The following EMCN variants were observed in gnomAD, a reference collection of about 807,000 sequenced individuals.
EMCN encodes endomucin, also known as MUC-14.
Under a neutral mutation model 38.4 loss-of-function variants are expected in EMCN, and 37 were observed. That is an observed-to-expected ratio of 0.96 (90% CI 0.74 to 1.27). EMCN has a LOEUF of 1.27. EMCN is among the 50% of genes most tolerant of loss of function. The pLI is 0.00. For missense variants in EMCN, 318 were observed against 302.8 expected, an observed-to-expected ratio of 1.05 and a Z score of -0.37; for synonymous variants, 95 against 100.8, an observed-to-expected ratio of 0.94 and a Z score of 0.35.
At chr4:100,493,911 A>G (rs1729147356) in intron 1 of EMCN, among the ~76,000 whole-genome samples, 1 of 152,224 alleles carries the variant, frequency 6.6e-6, no homozygotes, top group Non-Finnish European at 1.5e-5. Flanking sequence ...ACTTTCTTCA[A>G]ACATTGATGA....
intron 1 of EMCN, 33 bp from the exon 2 acceptor site, chr4:100,480,072 A>G: frequency 6.3e-7 from 1 of 1,588,992 alleles, no homozygotes; most frequent in East Asian, 2.3e-5. Flanking sequence ...ATTAACATTT[A>G]CATATAGTTT....
At chr4:100,481,255 A>G (rs1728797944) in intron 1 of EMCN, among the ~76,000 whole-genome samples, 1 of 152,134 alleles carries the variant, frequency 6.6e-6, no homozygotes. Context: ...TTTAAATTAC[A>G]TTTGAAATGT....
At chr4:100,429,209 G>C (rs768020959) in intron 5 of EMCN, among the ~76,000 whole-genome samples, 2 of 152,052 alleles carry the variant, frequency 1.3e-5, no homozygotes, top group African/African-American at 2.4e-5. Flanking sequence ...GAGAACATGA[G>C]GTCTACTCTG....
chr4:100,424,000 C>CAA (rs1726974943), intron 5 of EMCN, among the ~76,000 whole-genome samples: 1 of 151,648 alleles, frequency 6.6e-6, no homozygotes. Flanking sequence ...CACTAGCATC[C>CAA]GTGCTCTTTT....
rs1728617733 is a variant in EMCN at position 100,475,658 on chromosome 4, C to CATTTTTTTTTTTTTTTTTT, written c.188-550_188-549insAAAAAAAAAAAAAAAAAAT. ...CTTGAGGGCAGTATCCAATTCTAGT[C>CATTTTTTTTTTTTTTTTTT]CTTTTTTTTTTTTTTTTTTTTTTTT... On this transcript the variant is annotated intron_variant, in intron 2 of 11. Coordinates refer to ENST00000296420, the MANE Select transcript of EMCN (RefSeq NM_016242.4). Among the ~76,000 whole-genome samples, 8 of 108,092 alleles carry CATTTTTTTTTTTTTTTTTT rather than the reference C, an allele frequency of 7.4e-5. 1 individual carries two copies. Among genetic ancestry groups the CATTTTTTTTTTTTTTTTTT allele is most frequent in the African/African-American group, 3.7e-5 (1 of 27,062 alleles). The allele number at this position is 108,092 out of a possible 152,430, so 70.9% of individuals were successfully genotyped here.
chr4:100,441,461 T>G (rs1306043037), intron 5 of EMCN, among the ~76,000 whole-genome samples: 2 of 152,208 alleles, frequency 1.3e-5, no homozygotes, highest in African/African-American at 2.4e-5. Flanking sequence ...CATTCAACCA[T>G]TCTATGTCTT....
intron 1 of EMCN, among the ~76,000 whole-genome samples, chr4:100,493,137 T>G (rs546338357): frequency 6.6e-6 from 1 of 152,328 alleles, no homozygotes; most frequent in African/African-American, 2.4e-5. Flanking sequence ...TACAGTCAGT[T>G]AACTAGTTAA....
chr4:100,408,509 A>G (rs1173527921), intron 11 of EMCN, among the ~76,000 whole-genome samples: 1 of 152,088 alleles, frequency 6.6e-6, no homozygotes, highest in Non-Finnish European at 1.5e-5. Flanking sequence ...TTTGGTGTTG[A>G]AGTTTGGTTT....
At chr4:100,473,470 C>A (rs1281862818) in intron 3 of EMCN, among the ~76,000 whole-genome samples, 8 of 134,336 alleles carry the variant, frequency 6.0e-5, no homozygotes, top group Non-Finnish European at 3.1e-5. Flanking sequence ...CAAATCCAAG[C>A]GATTTTCTTA....
chr4:100,429,904 A>G (rs1249314436), intron 5 of EMCN, among the ~76,000 whole-genome samples: 1 of 152,154 alleles, frequency 6.6e-6, no homozygotes, highest in East Asian at 1.9e-4. Flanking sequence ...CTAAACCATA[A>G]GCCAAATATG....
chr4:100,502,920 A>G (rs1312581943), intron 1 of EMCN, among the ~76,000 whole-genome samples: 1 of 152,146 alleles, frequency 6.6e-6, no homozygotes. Flanking sequence ...TGATAATATA[A>G]TCTCAATTTG....
rs185982537 is a variant in EMCN, at chr4:100,418,590, A to G, written c.665-1449T>C. Among the ~76,000 whole-genome samples, 503 of 152,188 alleles carry G rather than the reference A, an allele frequency of 3.3e-3. 12 individuals are homozygous for G. The highest frequency in any genetic ancestry group is 0.031 in the Admixed American group (479 of 15,234). On this transcript the variant is annotated intron_variant, in intron 8 of 11. Coordinates refer to ENST00000296420, the MANE Select transcript of EMCN (RefSeq NM_016242.4). ...AGCCATCCTTCTACTCTCTAGCTCC[A>G]TGAGTTCAATTGTTTTGATTTTTTA... is the stretch of plus-strand genomic sequence containing the variant.
At chr4:100,427,716 A>G (rs141111381) in intron 5 of EMCN, among the ~76,000 whole-genome samples, 1 of 152,176 alleles carries the variant, frequency 6.6e-6, no homozygotes, top group African/African-American at 2.4e-5. Context: ...AATGTCACTG[A>G]TTCCTCAACT....
At chr4:100,406,222 C>T (rs1726389383) in intron 11 of EMCN, among the ~76,000 whole-genome samples, 2 of 151,910 alleles carry the variant, frequency 1.3e-5, no homozygotes, top group Non-Finnish European at 2.9e-5. Flanking sequence ...TAGTTCTTAT[C>T]ATCTCCATGT....
rs369553032 is a variant in EMCN, at chr4:100,475,120, A to G, written c.188-11T>C. On this transcript the variant is annotated splice_polypyrimidine_tract_variant and intron_variant, in intron 2 of 11. Transcript: ENST00000296420. The stretch of plus-strand genomic sequence containing the variant: ...CATTGGTGATTGTTCCTAGTTTGAT[A>G]AAATAGATTAAATTATTATTAATCA... The G allele has an allele frequency of 8.2e-6, 11 of 1,335,322 alleles. No homozygotes were observed. In the African/African-American group the frequency reaches 1.5e-4, roughly 18 times the overall value. The allele number at this position is 1,335,322 out of a possible 1,614,324, so 82.7% of individuals were successfully genotyped here.
intron 7 of EMCN, 54 bp downstream of exon 7, chr4:100,422,967 A>C: frequency 6.4e-7 from 1 of 1,554,902 alleles, no homozygotes; most frequent in Non-Finnish European, 8.9e-7. Flanking sequence ...TACTGGTCAC[A>C]TTCAAACATT....
At chr4:100,423,217 G>A in intron 6 of EMCN, 95 bp downstream of exon 6, 1 of 1,325,534 alleles carries the variant, frequency 7.5e-7, no homozygotes, top group East Asian at 2.3e-5. Context: ...GTCTCATTCT[G>A]AAGGAGCTCT....
chr4:100,473,365 G>GTTTTTTTTTTTTTTTTTTT lies in EMCN; in HGVS notation c.259+1672_259+1673insAAAAAAAAAAAAAAAAAAA. Among the ~76,000 whole-genome samples the GTTTTTTTTTTTTTTTTTTT allele has an allele frequency of 6.0e-4, 18 of 29,872 alleles. 2 individuals carry two copies. Among genetic ancestry groups the GTTTTTTTTTTTTTTTTTTT allele is most frequent in the South Asian group, 2.2e-3 (1 of 456 alleles). 19.6% of individuals were successfully genotyped at this position (29,872 alleles called of 152,430 possible). A position where few individuals can be genotyped will look rare whatever the true frequency, so the allele number is the denominator to read the frequency against. ...TTCTAATGGGCATTTCCCGTTTCGT[G>GTTTTTTTTTTTTTTTTTTT]TTTTTTTGTTTTTTTTTTTTGTTTT... On this transcript the variant is annotated intron_variant, in intron 3 of 11. Transcript: ENST00000296420.
intron 1 of EMCN, among the ~76,000 whole-genome samples, chr4:100,510,083 A>T (rs1444761046): frequency 6.6e-6 from 1 of 152,126 alleles, no homozygotes; most frequent in Non-Finnish European, 1.5e-5. Flanking sequence ...CTAGACTCAA[A>T]CTTAAGTTTT....
Sources: allele counts gnomAD v4.1 joint callset (sites outside exome capture counted in the v4.1 genomes callset), GRCh38; gene constraint gnomAD v4.1.1; transcripts MANE v1.5; gene names NCBI Gene and HGNC (gene_info 2026-07-23, HGNC 2026-07-21).